Variants in EPHB1 observed in about 807,000 individuals in gnomAD.
EPHB1 encodes ephrin type-B receptor 1.
Under a neutral mutation model 94.4 loss-of-function variants are expected in EPHB1, and 30 were observed. The ratio of observed to expected loss-of-function variants is 0.32; its 90% CI spans 0.24 to 0.43. EPHB1 has a LOEUF of 0.43. Ranked by LOEUF, EPHB1 falls within the 20% of genes least tolerant of loss-of-function variation. The pLI is 1.00. For synonymous variants in EPHB1, 522 were observed against 489.1 expected (o/e 1.07, Z -0.89); for missense variants, 1,055 against 1,308.3 (o/e 0.81, Z 2.99).
At chr3:135,005,692 C>T (rs1335390979) in intron 3 of EPHB1, among the ~76,000 whole-genome samples, 3 of 152,214 alleles carry the variant, frequency 2.0e-5, no homozygotes, top group East Asian at 3.9e-4. Context: ...CGGAAAAGCG[C>T]AGTATTCGGG....
intron 3 of EPHB1, among the ~76,000 whole-genome samples, chr3:135,085,152 C>T (rs996271672): frequency 1.3e-5 from 2 of 152,204 alleles, no homozygotes; most frequent in African/African-American, 2.4e-5. Context: ...CTTATCTGTG[C>T]AGCCACGAGC....
At chr3:135,051,115 A>G (rs1322872474) in intron 3 of EPHB1, among the ~76,000 whole-genome samples, 1 of 152,188 alleles carries the variant, frequency 6.6e-6, no homozygotes, top group Non-Finnish European at 1.5e-5. Flanking sequence ...CCAACACAGG[A>G]CCTTGCCTCA....
intron 3 of EPHB1, 113 bp from the exon 4 acceptor site, chr3:135,106,335 A>AG: frequency 8.6e-7 from 1 of 1,168,604 alleles, no homozygotes; most frequent in African/African-American, 1.5e-5. Flanking sequence ...TTGGTACGAG[A>AG]GGGGCATCTC....
chr3:135,183,025 CT>C (rs35077872), intron 10 of EPHB1, among the ~76,000 whole-genome samples: 1,293 of 46,086 alleles, frequency 0.028, 6 homozygotes, highest in African/African-American at 0.05. Context: ...CTTTTCTTTT[CT>C]TTTCTTTCTT....
At chr3:134,978,078 G>A (rs1214932406) in intron 3 of EPHB1, 3 of 432,770 alleles carry the variant, frequency 6.9e-6, no homozygotes, top group Admixed American at 2.7e-5. Flanking sequence ...GAGGAAGCAG[G>A]TGACTTGCTT....
intron 3 of EPHB1, among the ~76,000 whole-genome samples, chr3:135,097,591 T>C (rs953667746): frequency 6.6e-6 from 1 of 152,208 alleles, no homozygotes; most frequent in Non-Finnish European, 1.5e-5. Context: ...ATTCTAGGCT[T>C]GCTACTGCTA....
intron 6 of EPHB1, among the ~76,000 whole-genome samples, chr3:135,156,011 A>G (rs1251461524): frequency 6.6e-6 from 1 of 152,010 alleles, no homozygotes; most frequent in East Asian, 1.9e-4. Context: ...GTTGATTTCC[A>G]GATCAGCTAA....
intron 12 of EPHB1, 81 bp downstream of exon 12, chr3:135,201,770 C>T: frequency 1.5e-6 from 2 of 1,367,608 alleles, no homozygotes; most frequent in Non-Finnish European, 2.0e-6. Context: ...TGTGACAGGG[C>T]ACACTGGGAG....
rs1406552743 is a variant in EPHB1, at chr3:135,132,965, G to A, written c.1213G>A (p.Asp405Asn). Residue 405 changes from aspartate to asparagine, a missense_variant, in exon 5 of 16, where the codon GAC (aspartate) becomes AAC (asparagine). Asp to Asn is a conservative substitution (Grantham distance 23). Coordinates refer to ENST00000398015, the MANE Select transcript of EPHB1 (RefSeq NM_004441.5). Reference protein sequence around the residue: ...SLWAHTPYTFDIQAINGVSSK... With the variant: ...SLWAHTPYTFNIQAINGVSSK... ...GTGGGCCCACACCCCCTACACCTTT[G>A]ACATCCAGGCCATCAATGGAGTCTC... 1 of 1,613,880 alleles carries A rather than the reference G, an allele frequency of 6.2e-7. No individual in the cohort carries two copies. Among genetic ancestry groups the A allele is most frequent in the Non-Finnish European group, 8.5e-7 (1 of 1,179,788 alleles).
At position 134,959,966 on chromosome 3, in the gene EPHB1, C is replaced by CTTTTTTTT. The variant is rs61369813; in HGVS notation, c.805+7949_805+7956dup. ...AGAATTTGAGCACAAACATCTGCAC[C>CTTTTTTTT]TTTTTTTTTTTTTTTTTTTTTTTTT... On this transcript the variant is annotated intron_variant, in intron 3 of 15. Coordinates refer to ENST00000398015, the MANE Select transcript of EPHB1 (RefSeq NM_004441.5). Among the ~76,000 whole-genome samples the CTTTTTTTT allele has an allele frequency of 4.9e-4, 53 of 107,414 alleles. 5 individuals are homozygous for CTTTTTTTT. The highest frequency in any genetic ancestry group is 8.3e-4 in the East Asian group (2 of 2,422). The allele number at this position is 107,414 out of a possible 152,430, so 70.5% of individuals were successfully genotyped here.
chr3:135,257,887 C>T lies in EPHB1; in HGVS notation c.2847-1125C>T, dbSNP rs189199559. ...GAGACTCCGTGGGCATAGGACCCTC[C>T]GAGCCAGGTGTGGGATATAATCTCG... On this transcript the variant is annotated intron_variant, in intron 15 of 15. Transcript: ENST00000398015. Among the ~76,000 whole-genome samples the T allele has an allele frequency of 6.6e-5, 10 of 151,846 alleles. No individual in the cohort carries two copies. The East Asian group carries it at 9.7e-4, about 15-fold the overall frequency.
chr3:134,888,222 C>T (rs772728446), intron 1 of EPHB1, among the ~76,000 whole-genome samples: 5 of 152,118 alleles, frequency 3.3e-5, no homozygotes, highest in Admixed American at 6.6e-5. Flanking sequence ...TTGACTGAGT[C>T]GGACTTGGGG....
intron 1 of EPHB1, among the ~76,000 whole-genome samples, chr3:134,805,824 C>G (rs1444972361): frequency 6.6e-6 from 1 of 152,120 alleles, no homozygotes; most frequent in African/African-American, 2.4e-5. Context: ...TTCTCCTGTC[C>G]CACACTCGAT....
At chr3:134,850,496 A>C (rs962497140) in intron 1 of EPHB1, among the ~76,000 whole-genome samples, 2 of 152,204 alleles carry the variant, frequency 1.3e-5, no homozygotes, top group African/African-American at 4.8e-5. Flanking sequence ...CCTGAGGGAA[A>C]TGGGGCTTCA....
intron 3 of EPHB1, among the ~76,000 whole-genome samples, chr3:135,028,249 T>C (rs1282645262): frequency 2.0e-5 from 3 of 147,658 alleles, no homozygotes; most frequent in Non-Finnish European, 4.4e-5. Flanking sequence ...ATTTTAGTTA[T>C]TTCTTGCCTT....
At chr3:135,179,764 C>T in intron 9 of EPHB1, 96 bp from the exon 10 acceptor site, 2 of 1,475,590 alleles carry the variant, frequency 1.4e-6, no homozygotes, top group South Asian at 2.5e-5. Context: ...AGGAGAGCTC[C>T]TCCCAGGAAT....
Position 134,829,338 on chromosome 3 carries a change from G to C in EPHB1, c.58+33649G>C, listed in dbSNP as rs939307123. On this transcript the variant is annotated intron_variant, in intron 1 of 15. Transcript: ENST00000398015. ...GTTTCCTCTCCAAGGTAAGACTTTG[G>C]GGGTGGGGGTGGTTGAGTGGAGGAC... Among the ~76,000 whole-genome samples, 7 of 152,138 alleles carry C rather than the reference G, an allele frequency of 4.6e-5. 1 individual carries two copies. The South Asian group carries it at 8.3e-4, about 18-fold the overall frequency.
rs372007091 is a variant in EPHB1 at position 135,253,511 on chromosome 3, T to A, written c.2846+4020T>A. ...TTGTTTTTCTCAGGTTTGTGAAAGA[T>A]CAGATAGTCGTAGATATGCGGCATT... On this transcript the variant is annotated intron_variant, in intron 15 of 15. Coordinates refer to ENST00000398015, the MANE Select transcript of EPHB1 (RefSeq NM_004441.5). Among the ~76,000 whole-genome samples the A allele has an allele frequency of 5.9e-5, 9 of 152,072 alleles. No individual in the cohort carries two copies. In the East Asian group the frequency reaches 1.3e-3, roughly 23 times the overall value.
intron 13 of EPHB1, among the ~76,000 whole-genome samples, chr3:135,243,697 A>T (rs1376710472): frequency 1.3e-5 from 2 of 152,140 alleles, no homozygotes; most frequent in Non-Finnish European, 2.9e-5. Flanking sequence ...TTTACAGATG[A>T]CAATTGAAAG....
Sources: allele counts gnomAD v4.1 joint callset (sites outside exome capture counted in the v4.1 genomes callset), GRCh38; gene constraint gnomAD v4.1.1; transcripts MANE v1.5; gene names NCBI Gene and HGNC (gene_info 2026-07-23, HGNC 2026-07-21).